The following SCML4 variants were observed in gnomAD, a reference collection of about 807,000 sequenced individuals.
SCML4 encodes sex comb on midleg-like protein 4.
SCML4 carries 34 observed loss-of-function variants against 41.1 expected under a neutral mutation model. That is an observed-to-expected ratio of 0.83 (90% CI 0.63 to 1.10). The LOEUF (loss-of-function observed/expected upper bound fraction) is 1.10, where lower values mean the gene tolerates loss of function less well. SCML4 is among the 50% of genes least tolerant of loss of function. SCML4 has a pLI of 0.00. For synonymous variants in SCML4, 214 were observed against 220.9 expected, an observed-to-expected ratio of 0.97 and a Z score of 0.28; for missense variants, 522 against 534.1, an observed-to-expected ratio of 0.98 and a Z score of 0.22.
At chr6:107,792,546 A>G (rs917432472) in intron 1 of SCML4, among the ~76,000 whole-genome samples, 1 of 152,156 alleles carries the variant, frequency 6.6e-6, no homozygotes, top group Admixed American at 6.5e-5. Context: ...CCTGGCCAAC[A>G]TGGTGAAACC....
chr6:107,787,356 G>A (rs1167618188), intron 1 of SCML4, among the ~76,000 whole-genome samples: 2 of 152,102 alleles, frequency 1.3e-5, no homozygotes, highest in Non-Finnish European at 2.9e-5. Flanking sequence ...CAATTGCTGC[G>A]AGACACTTGT....
chr6:107,796,693 C>A (rs79558440), intron 1 of SCML4, among the ~76,000 whole-genome samples: 2,152 of 152,206 alleles, frequency 0.014, 49 homozygotes, highest in African/African-American at 0.048. Context: ...GGTTTCTCTG[C>A]CCTTTCTAAG....
At chr6:107,820,367 C>T (rs1446357408) in intron 1 of SCML4, among the ~76,000 whole-genome samples, 7 of 152,126 alleles carry the variant, frequency 4.6e-5, no homozygotes, top group African/African-American at 9.7e-5. Context: ...AGTGACCAGC[C>T]GCACTGGGAG....
intron 1 of SCML4, among the ~76,000 whole-genome samples, chr6:107,776,511 AAAAGT>A (rs1780962557): frequency 6.6e-6 from 1 of 152,218 alleles, no homozygotes. Context: ...AACTCCCCCA[AAAAGT>A]AAATTAAGGT....
chr6:107,755,527 G>T, intron 2 of SCML4: 2 of 1,011,882 alleles, frequency 2.0e-6, no homozygotes, highest in Non-Finnish European at 2.6e-6. Context: ...CTGGCTAGAA[G>T]CTTTGCTCTA....
the SCML4 span, among the ~76,000 whole-genome samples, chr6:107,833,983 T>C: frequency 6.6e-6 from 1 of 152,056 alleles, no homozygotes; most frequent in African/African-American, 2.4e-5. Context: ...TGAGGTGTCA[T>C]AATAAGGAAA....
intron 2 of SCML4, among the ~76,000 whole-genome samples, chr6:107,751,646 CTTTT>C (rs1554211271): frequency 9.6e-6 from 1 of 103,648 alleles, no homozygotes; most frequent in East Asian, 2.5e-4. Context: ...TTCTTTCTTT[CTTTT>C]TTGAGAGGGA....
intron 2 of SCML4, among the ~76,000 whole-genome samples, chr6:107,760,068 G>A (rs1779462271): frequency 6.6e-6 from 1 of 152,162 alleles, no homozygotes; most frequent in Non-Finnish European, 1.5e-5. Context: ...AATGTTGTGT[G>A]TGTAACTTTC....
chr6:107,735,017 A>C (rs1206239434), intron 5 of SCML4, among the ~76,000 whole-genome samples: 3 of 152,130 alleles, frequency 2.0e-5, no homozygotes, highest in Admixed American at 1.3e-4. Context: ...CTGTGATTAC[A>C]GGCATCCACC....
intron 2 of SCML4, among the ~76,000 whole-genome samples, chr6:107,754,327 G>A (rs1377070269): frequency 6.6e-6 from 1 of 151,852 alleles, no homozygotes; most frequent in African/African-American, 2.4e-5. Flanking sequence ...CCTCAGTCAT[G>A]GGAATGGGAG....
chr6:107,715,001 G>A (rs1306277602), intron 6 of SCML4, among the ~76,000 whole-genome samples: 3 of 135,696 alleles, frequency 2.2e-5, no homozygotes, highest in Non-Finnish European at 4.7e-5. Flanking sequence ...TTGAGATGAA[G>A]TCCCGCTTTG....
intron 5 of SCML4, among the ~76,000 whole-genome samples, chr6:107,724,165 T>C (rs1775720225): frequency 6.6e-6 from 1 of 152,182 alleles, no homozygotes; most frequent in South Asian, 2.1e-4. Context: ...TTCCTCAATC[T>C]GACAAAGGGT....
intron 1 of SCML4, among the ~76,000 whole-genome samples, chr6:107,785,594 C>G (rs1781826651): frequency 6.6e-6 from 1 of 152,202 alleles, no homozygotes; most frequent in South Asian, 2.1e-4. Context: ...GTCACTCTTC[C>G]AGGACTGAGA....
intron 2 of SCML4, among the ~76,000 whole-genome samples, chr6:107,770,904 C>T (rs981336969): frequency 2.6e-5 from 4 of 152,204 alleles, no homozygotes; most frequent in Non-Finnish European, 4.4e-5. Flanking sequence ...GGCTGCCCTG[C>T]TCCAGCCCTC....
chr6:107,828,876 G>A (rs1644660592), upstream of SCML4, among the ~76,000 whole-genome samples: 1 of 152,026 alleles, frequency 6.6e-6, no homozygotes, highest in African/African-American at 2.4e-5. Context: ...ACTCAAGCAG[G>A]GATCTTTTAA....
At chr6:107,736,643 T>C (rs953928421) in intron 5 of SCML4, among the ~76,000 whole-genome samples, 3 of 152,206 alleles carry the variant, frequency 2.0e-5, no homozygotes, top group Non-Finnish European at 4.4e-5. Flanking sequence ...TGAACTCTGT[T>C]CCCTTTTAAA....
At chr6:107,748,038 C>T (rs993231751) in intron 3 of SCML4, among the ~76,000 whole-genome samples, 1 of 152,118 alleles carries the variant, frequency 6.6e-6, no homozygotes, top group Non-Finnish European at 1.5e-5. Flanking sequence ...CCTGGCCGAC[C>T]TCTTGAGAAA....
At chr6:107,838,394 G>C in the SCML4 span, among the ~76,000 whole-genome samples, 1 of 152,160 alleles carries the variant, frequency 6.6e-6, no homozygotes, top group South Asian at 2.1e-4. Context: ...CCGAGCTCTG[G>C]ATGGGGCTTT....
intron 5 of SCML4, among the ~76,000 whole-genome samples, chr6:107,724,110 C>T (rs563339637): frequency 1.3e-5 from 2 of 152,174 alleles, no homozygotes; most frequent in Admixed American, 6.5e-5. Context: ...AATCCAATAC[C>T]CTTTTATGAT....
Sources: allele counts gnomAD v4.1 joint callset (sites outside exome capture counted in the v4.1 genomes callset), GRCh38; gene constraint gnomAD v4.1.1; transcripts MANE v1.5; gene names NCBI Gene and HGNC (gene_info 2026-07-23, HGNC 2026-07-21).